The following SLC20A1 variants were observed in gnomAD, a reference collection of about 807,000 sequenced individuals.
SLC20A1 encodes sodium-dependent phosphate transporter 1.
SLC20A1 carries 28 observed loss-of-function variants against 62.7 expected under a neutral mutation model. The ratio of observed to expected loss-of-function variants is 0.45; its 90% CI spans 0.33 to 0.61. SLC20A1 has a LOEUF of 0.61. SLC20A1 is among the 20% of genes least tolerant of loss of function. SLC20A1 has a pLI of 0.02. For missense variants in SLC20A1, 673 were observed against 838.6 expected, an observed-to-expected ratio of 0.80 and a Z score of 2.44; for synonymous variants, 305 against 302.9, an observed-to-expected ratio of 1.01 and a Z score of -0.07.
intron 8 of SLC20A1, 70 bp downstream of exon 8, chr2:112,659,832 C>G (rs1686700199): frequency 7.3e-7 from 1 of 1,371,526 alleles, no homozygotes; most frequent in Non-Finnish European, 1.0e-6. Context: ...CAGGCCTGTG[C>G]TTGTGGTAGT....
In SLC20A1 at chr2:112,663,118, G is replaced by A. The variant is rs148384108; in HGVS notation, c.*93G>A. The A allele has an allele frequency of 2.2e-5, 31 of 1,410,350 alleles. No homozygotes were observed. The highest frequency in any genetic ancestry group is 8.4e-5 in the Admixed American group (5 of 59,698). 87.4% of individuals were successfully genotyped at this position (1,410,350 alleles called of 1,614,324 possible). A position where few individuals can be genotyped will look rare whatever the true frequency, so the allele number is the denominator to read the frequency against. ...ATGATTACAGTGTTAACAGAAGACT[G>A]ACAAGAGTCTTTTTATTTGGGAGCC... On this transcript the variant is annotated 3_prime_UTR_variant, in exon 11 of 11. Transcript: ENST00000272542.
rs1310958992 is a variant in SLC20A1 at position 112,659,704 on chromosome 2, T to G, written c.1549T>G (p.Phe517Val). ...GCCTGAAGTCTCTCTCCTCTTCCAG[T>G]TCCTGCAGATCCTTACAGCCTGCTT... The part of the protein sequence containing the change: ...DKPEVSLLFQ[F>V]LQILTACFGS... The change falls in exon 8 of 11, where the codon TTC becomes GTC. Residue 517 changes from phenylalanine to valine, a missense_variant. By Grantham distance (50) the Phe-to-Val change is conservative. Coordinates refer to ENST00000272542, the MANE Select transcript of SLC20A1 (RefSeq NM_005415.5). 4 of 1,614,212 alleles carry G rather than the reference T, an allele frequency of 2.5e-6. No individual in the cohort carries two copies. The highest frequency in any genetic ancestry group is 3.4e-6 in the Non-Finnish European group (4 of 1,180,024).
rs1686812625 is a variant in SLC20A1, at chr2:112,663,792, TAACTG to T, written c.*770_*774del. 1 of 152,744 alleles carries T rather than the reference TAACTG, an allele frequency of 6.5e-6. No homozygotes were observed. The highest frequency in any genetic ancestry group is 1.5e-5 in the Non-Finnish European group (1 of 68,128). The allele number at this position is 152,744 out of a possible 1,614,324, so 9.5% of individuals were successfully genotyped here. On this transcript the variant is annotated 3_prime_UTR_variant, in exon 11 of 11. Transcript: ENST00000272542. ...CTTCCATGTTCATTTGTCTACCTCT[TAACTG>T]AATAAAAAAGCCTACAGTTTTTAGA...
chr2:112,662,241 A>G (rs185676247), intron 10 of SLC20A1, among the ~76,000 whole-genome samples: 4 of 152,286 alleles, frequency 2.6e-5, no homozygotes, highest in Non-Finnish European at 5.9e-5. Flanking sequence ...AATATCAGCC[A>G]CTCTGTAAAT....
intron 6 of SLC20A1, among the ~76,000 whole-genome samples, chr2:112,657,910 CT>C (rs1302961492): frequency 6.6e-6 from 1 of 152,084 alleles, no homozygotes; most frequent in African/African-American, 2.4e-5. Context: ...TAGTATCGGA[CT>C]TTTTTTTCCT....
At chr2:112,660,237 T>C in intron 8 of SLC20A1, 150 bp from the exon 9 acceptor site, 1 of 696,320 alleles carries the variant, frequency 1.4e-6, no homozygotes, top group East Asian at 2.5e-5. Flanking sequence ...ATGTTGGGGT[T>C]CCATTTATGT....
In SLC20A1 at chr2:112,657,146, T is replaced by C. The variant is rs1161392345; in HGVS notation, c.683T>C (p.Leu228Pro). Reference sequence around the variant, plus strand: ...GTGCTGGGCTTTGACAAACTTCCTCTGTGGGGTACCATCCTCATCTCGGTG... The same window carrying C: ...GTGCTGGGCTTTGACAAACTTCCTCCGTGGGGTACCATCCTCATCTCGGTG... ...APLLGFDKLP[L>P]WGTILISVGC... Residue 228 changes from leucine to proline, a missense_variant, in exon 6 of 11, where the codon CTG becomes CCG. Leu to Pro is a moderately conservative substitution (Grantham distance 98, BLOSUM62 -3). Transcript: ENST00000272542. 6.2e-7 allele frequency: 1 copy of C among 1,613,748 alleles called. No individual in the cohort carries two copies. Among genetic ancestry groups the C allele is most frequent in the Non-Finnish European group, 8.5e-7 (1 of 1,179,946 alleles).
chr2:112,652,385 TG>T lies in SLC20A1; in HGVS notation c.562-316del, dbSNP rs1686466677. 3 of 377,606 alleles carry T rather than the reference TG, an allele frequency of 7.9e-6. No individual in the cohort carries two copies. The East Asian group carries it at 1.6e-4, about 20-fold the overall frequency. 23.4% of individuals were successfully genotyped at this position (377,606 alleles called of 1,614,324 possible). On this transcript the variant is annotated intron_variant, in intron 4 of 10. Transcript: ENST00000272542. ...GTAGAGTATAGCCTATCCTCAGGTG[TG>T]TGCTGAAGTTTATATTAGGGCTTTT...
intron 5 of SLC20A1, among the ~76,000 whole-genome samples, chr2:112,655,032 G>T (rs1686545718): frequency 7.4e-6 from 1 of 134,902 alleles, no homozygotes; most frequent in African/African-American, 2.8e-5. Context: ...GCAGTGGTGC[G>T]AACTTGGGTG....
intron 9 of SLC20A1, 28 bp from the exon 10 acceptor site, chr2:112,661,114 C>G (rs1396479503): frequency 6.3e-7 from 1 of 1,591,828 alleles, no homozygotes; most frequent in Non-Finnish European, 8.6e-7. Flanking sequence ...AAACTCACTT[C>G]CTGACAAGAA....
chr2:112,650,422 T>C (rs1686403098), intron 4 of SLC20A1, among the ~76,000 whole-genome samples: 1 of 149,598 alleles, frequency 6.7e-6, no homozygotes, highest in Non-Finnish European at 1.5e-5. Context: ...AACCTCCGCC[T>C]CTCGGGCTCA....
At chr2:112,648,638 A>C (rs980617841) in intron 4 of SLC20A1, among the ~76,000 whole-genome samples, 1 of 152,238 alleles carries the variant, frequency 6.6e-6, no homozygotes, top group African/African-American at 2.4e-5. Context: ...CTCTGTAGAA[A>C]TTCTATGACT....
chr2:112,656,743 G>A (rs572969987), intron 5 of SLC20A1, among the ~76,000 whole-genome samples: 18 of 56,908 alleles, frequency 3.2e-4, no homozygotes, highest in Admixed American at 2.8e-3. Context: ...GGAATATGTG[G>A]CAGTTACGAT....
chr2:112,659,277 C>T lies in SLC20A1; in HGVS notation c.1122C>T (p.Gly374=). 6.2e-7 allele frequency: 1 copy of T among 1,614,180 alleles called. No individual in the cohort carries two copies. The highest frequency in any genetic ancestry group is 2.2e-5 in the East Asian group (1 of 44,894). Residue 374 remains glycine, a synonymous_variant, in exon 8 of 11, where the codon GGC becomes GGT. Transcript: ENST00000272542. ...TCAGCAACCAAATAAACTCCAGTGG[C>T]CACTACCAGTATCACACCGTGCATA... The part of the protein sequence containing the change: ...QAVSNQINSS[G]HYQYHTVHKD...
At chr2:112,654,134 G>A (rs1323313418) in intron 5 of SLC20A1, among the ~76,000 whole-genome samples, 3 of 152,180 alleles carry the variant, frequency 2.0e-5, no homozygotes, top group Non-Finnish European at 2.9e-5. Flanking sequence ...GGGATTATAT[G>A]TGTATTTTGT....
intron 4 of SLC20A1, 141 bp from the exon 5 acceptor site, chr2:112,652,561 G>A: frequency 1.5e-6 from 1 of 650,916 alleles, no homozygotes; most frequent in South Asian, 2.0e-5. Flanking sequence ...GCAAATGCAG[G>A]AAAAACTCTG....
chr2:112,648,346 T>G (rs936332615), intron 4 of SLC20A1, among the ~76,000 whole-genome samples: 23 of 152,240 alleles, frequency 1.5e-4, no homozygotes, highest in African/African-American at 5.5e-4. Context: ...CCAGTTTGCA[T>G]TTCTTTTATC....
At position 112,646,882 on chromosome 2, in the gene SLC20A1, G is replaced by T. The variant is rs1474559369; in HGVS notation, c.54G>T (p.Leu18Phe). Residue 18 changes from leucine (L) to phenylalanine (F), a missense_variant, in exon 2 of 11, where the codon TTG becomes TTT. Coordinates refer to ENST00000272542, the MANE Select transcript of SLC20A1 (RefSeq NM_005415.5). ...TTAATAASGP[L>F]VDYLWMLILG... ...CTGCTACCGCCGCTTCTGGTCCTTT[G>T]GTGGACTACCTATGGATGCTCATCC... The T allele has an allele frequency of 4.3e-6, 7 of 1,613,658 alleles. No individual in the cohort carries two copies. Among genetic ancestry groups the T allele is most frequent in the South Asian group, 1.1e-5 (1 of 91,062 alleles).
Position 112,652,671 on chromosome 2 carries a change from T to C in SLC20A1, c.562-31T>C, listed in dbSNP as rs1686474315. 3 of 1,572,044 alleles carry C rather than the reference T, an allele frequency of 1.9e-6. No individual in the cohort carries two copies. The Admixed American group carries it at 5.0e-5, about 26-fold the overall frequency. On this transcript the variant is annotated intron_variant, in intron 4 of 10. Coordinates refer to ENST00000272542, the MANE Select transcript of SLC20A1 (RefSeq NM_005415.5). ...GGAAATGGGTTAACCTTTATACCTTTTAAGATATTGATCTTAATGATGTTT... is the reference window on the plus strand; with the variant it reads ...GGAAATGGGTTAACCTTTATACCTTCTAAGATATTGATCTTAATGATGTTT...
Sources: allele counts gnomAD v4.1 joint callset (sites outside exome capture counted in the v4.1 genomes callset), GRCh38; gene constraint gnomAD v4.1.1; transcripts MANE v1.5; gene names NCBI Gene and HGNC (gene_info 2026-07-23, HGNC 2026-07-21).